The following LRP8 variants were observed in gnomAD, a reference collection of about 807,000 sequenced individuals.
LRP8 encodes the protein LDL receptor related protein 8.
In LRP8, 46 loss-of-function variants were observed where a neutral mutation model predicts 111.6. That is an observed-to-expected ratio of 0.41 (90% CI 0.33 to 0.53). The LOEUF (loss-of-function observed/expected upper bound fraction) is 0.53. Ranked by LOEUF, LRP8 falls within the 20% of genes least tolerant of loss-of-function variation. The probability of loss-of-function intolerance (pLI) is 0.20; values close to 1 mark genes in which losing one functional copy is unlikely to be tolerated. For synonymous variants in LRP8, 464 were observed against 511.2 expected (o/e 0.91, Z 1.24); for missense variants, 959 against 1,297.4 (o/e 0.74, Z 4.01).
rs1315504455 is a variant in LRP8, at chr1:53,260,500, C to A, written c.2020G>T (p.Asp674Tyr). The change falls in exon 13 of 19, where the codon GAC becomes TAC. Residue 674 changes from aspartate to tyrosine, a missense_variant. Around this residue, in one of 3 missense-constraint regions of LRP8, gnomAD observed 819 missense variants for 1,097.6 expected, o/e 0.75. Transcript: ENST00000306052. ...ILAENLNNPH[D>Y]IVIFHELKQP... ...TTCAGCTCATGGAAGATGACAATGTCATGTGGGTTGTTGAGGTTCTCAGCC... is the reference window on the plus strand; with the variant it reads ...TTCAGCTCATGGAAGATGACAATGTAATGTGGGTTGTTGAGGTTCTCAGCC... 3 of 1,614,076 alleles carry A rather than the reference C, an allele frequency of 1.9e-6. No homozygotes were observed. In the African/African-American group the frequency reaches 4.0e-5, roughly 22 times the overall value.
At chr1:53,312,740 G>C (rs537989090) in intron 2 of LRP8, among the ~76,000 whole-genome samples, 2 of 152,270 alleles carry the variant, frequency 1.3e-5, no homozygotes, top group East Asian at 1.9e-4. Context: ...GGGGACCTGA[G>C]AGAGCAGTGG....
At chr1:53,257,123 C>T in intron 15 of LRP8, 117 bp downstream of exon 15, 2 of 914,288 alleles carry the variant, frequency 2.2e-6, no homozygotes, top group Non-Finnish European at 3.4e-6. Flanking sequence ...ATGCAGTAAC[C>T]TCCTCAAAGA....
intron 2 of LRP8, among the ~76,000 whole-genome samples, chr1:53,290,279 G>T (rs1648455930): frequency 6.8e-6 from 1 of 146,050 alleles, no homozygotes; most frequent in Non-Finnish European, 1.5e-5. Flanking sequence ...ACTGCTCTGG[G>T]GATCTCAATC....
chr1:53,300,673 G>A (rs965588891), intron 2 of LRP8, among the ~76,000 whole-genome samples: 6 of 152,048 alleles, frequency 3.9e-5, no homozygotes, highest in East Asian at 1.9e-4. Flanking sequence ...CACGTGGCTC[G>A]GCCACTGTCA....
Position 53,286,611 on chromosome 1 carries a change from T to G in LRP8, c.367+2956A>C, listed in dbSNP as rs80225317. Among the ~76,000 whole-genome samples the G allele has an allele frequency of 1.8e-3, 275 of 152,326 alleles. 2 individuals carry two copies. The highest frequency in any genetic ancestry group is 6.8e-3 in the Middle Eastern group (2 of 294). ...AGGCAAATGTTCTGGGCTTTTCCAT[T>G]GTGACTCCTGGCTACATTTGATAGG... is the stretch of plus-strand genomic sequence containing the variant. On this transcript the variant is annotated intron_variant, in intron 3 of 18. Transcript: ENST00000306052.
intron 2 of LRP8, among the ~76,000 whole-genome samples, chr1:53,326,669 C>T (rs1655170069): frequency 6.6e-6 from 1 of 152,196 alleles, no homozygotes; most frequent in African/African-American, 2.4e-5. Context: ...CCAGGACACG[C>T]CAGCTTTCCT....
At chr1:53,277,677 C>G (rs987354947) in intron 4 of LRP8, among the ~76,000 whole-genome samples, 2 of 152,216 alleles carry the variant, frequency 1.3e-5, no homozygotes, top group South Asian at 4.1e-4. Flanking sequence ...ACTTCTTGCC[C>G]ACCACTACAT....
intron 6 of LRP8, among the ~76,000 whole-genome samples, chr1:53,271,578 G>A (rs1646761899): frequency 6.6e-6 from 1 of 152,040 alleles, no homozygotes; most frequent in Non-Finnish European, 1.5e-5. Context: ...AGGGTAGAGT[G>A]GAACCAGAAC....
At position 53,262,474 on chromosome 1, in the gene LRP8, A is replaced by G; in HGVS notation, c.1746T>C (p.Asn582=). Residue 582 remains asparagine (N), a synonymous_variant, in exon 11 of 19, where the codon AAT becomes AAC. Transcript: ENST00000306052. This position sits in a 1 kb window ranked among gnomAD's most constrained non-coding sequence, Gnocchi z 4.8. ...GGGTGATTCCGTTGGGCCATTCAAT[A>G]TTGTCTGACACCAGTGTTTGCCGGT... ...GVDRQTLVSD[N]IEWPNGITLD... is the part of the protein sequence containing the mutation. The G allele has an allele frequency of 1.2e-6, 2 of 1,614,164 alleles. No homozygotes were observed. The highest frequency in any genetic ancestry group is 1.7e-6 in the Non-Finnish European group (2 of 1,180,026).
At chr1:53,300,214 G>A (rs1424271573) in intron 2 of LRP8, among the ~76,000 whole-genome samples, 3 of 152,236 alleles carry the variant, frequency 2.0e-5, no homozygotes, top group African/African-American at 7.2e-5. Context: ...TTATGGACAA[G>A]CCATTGGCCT....
At chr1:53,259,397 C>A (rs1200366288) in intron 13 of LRP8, among the ~76,000 whole-genome samples, 3 of 151,978 alleles carry the variant, frequency 2.0e-5, no homozygotes, top group Admixed American at 1.3e-4. Flanking sequence ...CAGGTATAAG[C>A]CACCATGCCT....
At chr1:53,302,552 C>T (rs1005229221) in intron 2 of LRP8, among the ~76,000 whole-genome samples, 8 of 152,082 alleles carry the variant, frequency 5.3e-5, no homozygotes, top group African/African-American at 7.2e-5. Flanking sequence ...GCTGTTACAC[C>T]CAGGGTTTTT....
rs764027862 is a variant in LRP8, at chr1:53,327,839, TGCAGCAGCA to T, written c.65_73del (p.Leu22_Leu24del). On this transcript the variant is annotated inframe_deletion, in exon 1 of 19. Transcript: ENST00000306052. ...CGCTGCCGCCGCAAGATGCTGGAGCTGCAGCAGCAGCAGCAGCAGCAGCAGCAGCAGCAG... is the reference window on the plus strand; with the variant it reads ...CGCTGCCGCCGCAAGATGCTGGAGCTGCAGCAGCAGCAGCAGCAGCAGCAG... 127 of 1,487,032 alleles carry T rather than the reference TGCAGCAGCA, an allele frequency of 8.5e-5. No homozygotes were observed. The highest frequency in any genetic ancestry group is 2.4e-4 in the Middle Eastern group (1 of 4,236). The allele number at this position is 1,487,032 out of a possible 1,614,324, so 92.1% of individuals were successfully genotyped here.
Position 53,291,530 on chromosome 1 carries a change from A to G in LRP8, c.245-1841T>C, listed in dbSNP as rs116785243. 3.7e-3 allele frequency among the ~76,000 whole-genome samples: 556 copies of G among 152,190 alleles called. 2 individuals carry two copies. Among genetic ancestry groups the G allele is most frequent in the African/African-American group, 0.013 (541 of 41,520 alleles). ...TTGCCCAAGCTGTCTTTAGTCTGAA[A>G]GCCCCTTCCCCCACCTCTCACCTTC... On this transcript the variant is annotated intron_variant, in intron 2 of 18. Coordinates refer to ENST00000306052, the MANE Select transcript of LRP8 (RefSeq NM_004631.5).
intron 2 of LRP8, among the ~76,000 whole-genome samples, chr1:53,310,058 C>T (rs745856817): frequency 2.4e-4 from 36 of 152,214 alleles, no homozygotes; most frequent in Admixed American, 5.2e-4. Flanking sequence ...AGCTCTGCCC[C>T]GGAGCATACC....
rs1321611836 is a variant in LRP8, at chr1:53,243,776, A to G, written c.*3242T>C. On this transcript the variant is annotated 3_prime_UTR_variant, in exon 19 of 19. Transcript: ENST00000306052. ...ATTTTTAAGACTTAAGGTCACTTCT[A>G]TGATGACCCTATTCCTCATTTCTTA... 2.0e-5 allele frequency: 3 copies of G among 152,224 alleles called. No homozygotes were observed. Among genetic ancestry groups the G allele is most frequent in the South Asian group, 2.1e-4 (1 of 4,832 alleles). The allele number at this position is 152,224 out of a possible 1,614,324, so 9.4% of individuals were successfully genotyped here.
At chr1:53,292,739 A>G (rs1263232339) in intron 2 of LRP8, among the ~76,000 whole-genome samples, 1 of 152,160 alleles carries the variant, frequency 6.6e-6, no homozygotes, top group Non-Finnish European at 1.5e-5. Flanking sequence ...CTATGTACTC[A>G]TTTGACATAT....
At chr1:53,281,548 A>T (rs1345274324) in intron 3 of LRP8, among the ~76,000 whole-genome samples, 1 of 152,238 alleles carries the variant, frequency 6.6e-6, no homozygotes, top group Non-Finnish European at 1.5e-5. Flanking sequence ...TGTGCCAGGC[A>T]TGGTGCTAGA....
chr1:53,290,944 A>G (rs1319119090), intron 2 of LRP8, among the ~76,000 whole-genome samples: 1 of 152,144 alleles, frequency 6.6e-6, no homozygotes, highest in Non-Finnish European at 1.5e-5. Context: ...TTGGGGGCTC[A>G]TCTGCATCAA....
Sources: allele counts gnomAD v4.1 joint callset (sites outside exome capture counted in the v4.1 genomes callset), GRCh38; gene constraint gnomAD v4.1.1; regional missense constraint gnomAD v4.1.1; non-coding constraint Gnocchi (gnomAD v3.1); transcripts MANE v1.5; gene names NCBI Gene and HGNC (gene_info 2026-07-23, HGNC 2026-07-21).